The following HELB variants were observed in gnomAD, a reference collection of about 807,000 sequenced individuals.
The protein encoded by HELB is DNA helicase B, also known as DNA 5'-3' helicase B.
A neutral mutation model predicts 101.7 loss-of-function variants in HELB; 96 were observed. That is an observed-to-expected ratio of 0.94 (90% CI 0.80 to 1.12). HELB has a LOEUF of 1.12. HELB is among the 50% of genes most tolerant of loss of function. The pLI, the probability that HELB is intolerant of heterozygous loss-of-function variation, is 0.00. For missense variants in HELB, 1,210 were observed against 1,291.9 expected (o/e 0.94, Z 0.97); for synonymous variants, 437 against 459.7 (o/e 0.95, Z 0.63).
chr12:66,322,698 G>T (rs777394942), intron 8 of HELB, 26 bp from the exon 9 acceptor site: 1 of 1,568,394 alleles, frequency 6.4e-7, no homozygotes, highest in Admixed American at 1.7e-5. Flanking sequence ...CCATTAAGGT[G>T]ACCCCTGCAT....
intron 12 of HELB, among the ~76,000 whole-genome samples, chr12:66,335,813 G>GTA (rs1173819407): frequency 1.3e-5 from 2 of 152,144 alleles, no homozygotes; most frequent in African/African-American, 4.8e-5. Flanking sequence ...AGTACGTTGG[G>GTA]TATATATAGC....
At chr12:66,316,881 T>G (rs1217341590) in intron 6 of HELB, among the ~76,000 whole-genome samples, 5 of 151,852 alleles carry the variant, frequency 3.3e-5, no homozygotes, top group Non-Finnish European at 1.5e-5. Context: ...TAGCCGGGCT[T>G]GGTGGCGGGC....
rs781780843 is a variant in HELB, at chr12:66,331,552, T to C, written c.3069T>C (p.Asp1023=). ...AAAGATGGCAATTATCTTCACCTGA[T>C]GGAGTAGATACAGATGATGATTTAC... ...FAERWQLSSP[D]GVDTDDDLPK... is the part of the protein sequence containing the mutation. Residue 1023 remains aspartate, a synonymous_variant, in exon 12 of 13, where the codon GAT becomes GAC. Transcript: ENST00000247815. 6.2e-7 allele frequency: 1 copy of C among 1,613,802 alleles called. No homozygotes were observed. Among genetic ancestry groups the C allele is most frequent in the Non-Finnish European group, 8.5e-7 (1 of 1,179,940 alleles).
At chr12:66,331,899 G>A (rs1372650172) in intron 12 of HELB, among the ~76,000 whole-genome samples, 1 of 151,996 alleles carries the variant, frequency 6.6e-6, no homozygotes, top group Non-Finnish European at 1.5e-5. Context: ...TTTGAGAACT[G>A]ACTCATTCTC....
At chr12:66,325,255 G>C in intron 11 of HELB, 129 bp downstream of exon 11, 1 of 614,066 alleles carries the variant, frequency 1.6e-6, no homozygotes. Flanking sequence ...CAAAAGTACA[G>C]AACATAATAG....
At chr12:66,337,418 C>G (rs147100152) in intron 12 of HELB, among the ~76,000 whole-genome samples, 1 of 151,972 alleles carries the variant, frequency 6.6e-6, no homozygotes, top group Non-Finnish European at 1.5e-5. Flanking sequence ...AAAGAAAGAC[C>G]CTTTTCCTAA....
At chr12:66,331,034 ATAG>A in intron 11 of HELB, 117 bp from the exon 12 acceptor site, 1 of 1,088,066 alleles carries the variant, frequency 9.2e-7, no homozygotes, top group Non-Finnish European at 1.3e-6. Flanking sequence ...ACACATAATA[ATAG>A]TCTGGCCAGG....
chr12:66,333,835 T>G (rs1431828276), intron 12 of HELB, among the ~76,000 whole-genome samples: 1 of 151,944 alleles, frequency 6.6e-6, no homozygotes, highest in Non-Finnish European at 1.5e-5. Flanking sequence ...ATTTGAGGGC[T>G]GGAAGCAGTG....
At chr12:66,317,385 C>T (rs1010457437) in intron 6 of HELB, among the ~76,000 whole-genome samples, 1 of 152,116 alleles carries the variant, frequency 6.6e-6, no homozygotes, top group African/African-American at 2.4e-5. Context: ...GAGGAATTGA[C>T]AGGAATAGGG....
At chr12:66,318,521 TTC>T in intron 6 of HELB, 115 bp from the exon 7 acceptor site, 1 of 917,140 alleles carries the variant, frequency 1.1e-6, no homozygotes, top group East Asian at 2.9e-5. Context: ...GGATGACCTT[TTC>T]TCTCTGTTAT....
intron 12 of HELB, among the ~76,000 whole-genome samples, chr12:66,337,438 G>C (rs1021329706): frequency 6.6e-6 from 1 of 152,084 alleles, no homozygotes; most frequent in Non-Finnish European, 1.5e-5. Context: ...AAATTGAATT[G>C]TGCTTACTCT....
chr12:66,303,037 C>T (rs552315493), intron 1 of HELB, among the ~76,000 whole-genome samples: 1 of 143,962 alleles, frequency 6.9e-6, no homozygotes, highest in South Asian at 2.2e-4. Context: ...TTGCAAAGAG[C>T]GAAAGAACAA....
At position 66,304,845 on chromosome 12, in the gene HELB, G is replaced by C. The variant is rs997622110; in HGVS notation, c.302G>C (p.Ser101Thr). ...VQVKPVVGSR[S>T]YQYQVQGFPS... ...GTAAAGCCTGTGGTGGGATCAAGGA[G>C]CTATCAATATCAAGTTCAAGGATTT... is the stretch of plus-strand genomic sequence containing the variant. The change falls in exon 2 of 13, where the codon AGC becomes ACC. Residue 101 changes from serine (S) to threonine (T), a missense_variant. Coordinates refer to ENST00000247815, the MANE Select transcript of HELB (RefSeq NM_001370285.1). 6.2e-7 allele frequency: 1 copy of C among 1,614,138 alleles called. No individual in the cohort carries two copies. Among genetic ancestry groups the C allele is most frequent in the Middle Eastern group, 1.6e-4 (1 of 6,062 alleles).
Position 66,331,556 on chromosome 12 carries a change from G to A in HELB, c.3073G>A (p.Val1025Ile). The A allele has an allele frequency of 6.2e-7, 1 of 1,613,908 alleles. No individual in the cohort carries two copies. Among genetic ancestry groups the A allele is most frequent in the Non-Finnish European group, 8.5e-7 (1 of 1,179,982 alleles). Reference protein sequence around the residue: ...ERWQLSSPDGVDTDDDLPKSR... With the variant: ...ERWQLSSPDGIDTDDDLPKSR... Reference sequence around the variant, plus strand: ...ATGGCAATTATCTTCACCTGATGGAGTAGATACAGATGATGATTTACCAAA... The same window carrying A: ...ATGGCAATTATCTTCACCTGATGGAATAGATACAGATGATGATTTACCAAA... Residue 1025 changes from valine (V) to isoleucine (I), a missense_variant, in exon 12 of 13, where the codon GTA (valine) becomes ATA (isoleucine). This residue lies in a region of HELB where 740 missense variants were observed against 728.8 expected (regional missense o/e 1.02). Coordinates refer to ENST00000247815, the MANE Select transcript of HELB (RefSeq NM_001370285.1).
intron 4 of HELB, among the ~76,000 whole-genome samples, chr12:66,312,981 G>A (rs1417637114): frequency 1.3e-5 from 2 of 152,154 alleles, no homozygotes; most frequent in African/African-American, 4.8e-5. Context: ...CTGATAGATG[G>A]AACCTGTATT....
chr12:66,324,855 T>C, intron 10 of HELB, 128 bp from the exon 11 acceptor site: 1 of 1,174,912 alleles, frequency 8.5e-7, no homozygotes, highest in Non-Finnish European at 1.2e-6. Context: ...TTTAAGCCTT[T>C]TGAAATTCTT....
At chr12:66,338,955 C>T (rs2053896668), downstream of HELB, 1 of 152,106 alleles carries the variant, frequency 6.6e-6, no homozygotes, top group Non-Finnish European at 1.5e-5. Context: ...TGAATATGTT[C>T]CACTTAGGAA....
At chr12:66,338,225 G>C (rs2053888031), downstream of HELB, 4 of 663,032 alleles carry the variant, frequency 6.0e-6, no homozygotes, top group Non-Finnish European at 1.1e-5. Flanking sequence ...ATTTGTGTTA[G>C]CAAATGTTTT....
At chr12:66,314,259 T>TGATACCAAAGCTACACGAA (rs1009037265) in intron 5 of HELB, 96 bp downstream of exon 5, 4 of 1,066,024 alleles carry the variant, frequency 3.8e-6, no homozygotes, top group Non-Finnish European at 4.2e-6. Flanking sequence ...ACACCAGAAT[T>TGATACCAAAGCTACACGAA]GATACCAAAG....
Sources: allele counts gnomAD v4.1 joint callset (sites outside exome capture counted in the v4.1 genomes callset), GRCh38; gene constraint gnomAD v4.1.1; regional missense constraint gnomAD v4.1.1; transcripts MANE v1.5; gene names NCBI Gene and HGNC (gene_info 2026-07-23, HGNC 2026-07-21).